The following PBRM1 variants were observed in gnomAD, a reference collection of about 807,000 sequenced individuals.
PBRM1 encodes the protein polybromo 1.
PBRM1 carries 27 observed loss-of-function variants against 194.5 expected under a neutral mutation model. The observed-to-expected ratio is 0.14, with a 90% CI of 0.10 to 0.19. PBRM1 has a LOEUF of 0.19. Among genes scored for constraint, PBRM1 ranks in the 10% least tolerant of loss-of-function variants. The pLI is 1.00. For synonymous variants in PBRM1, 655 were observed against 693.2 expected (o/e 0.94, Z 0.87); for missense variants, 1,466 against 2,077.2 (o/e 0.71, Z 5.72).
Position 52,609,970 on chromosome 3 carries a change from T to G in PBRM1, c.1925-15A>C. ...ACTCTTCCTACCTAAAGAGAGATAT[T>G]TAATGTTAAATGAATAAAATAAATG... is the stretch of plus-strand genomic sequence containing the variant. On this transcript the variant is annotated splice_polypyrimidine_tract_variant and intron_variant, in intron 15 of 29. Coordinates refer to ENST00000296302, the Ensembl canonical transcript of PBRM1. The surrounding 1 kb of genome is among the most constrained non-coding windows in gnomAD (Gnocchi z 4.1). The G allele has an allele frequency of 7.1e-7, 1 of 1,415,972 alleles. No homozygotes were observed. Among genetic ancestry groups the G allele is most frequent in the Admixed American group, 2.6e-5 (1 of 38,646 alleles). 87.7% of individuals were successfully genotyped at this position (1,415,972 alleles called of 1,614,324 possible).
intron 7 of PBRM1, among the ~76,000 whole-genome samples, chr3:52,647,236 T>C (rs1232733199): frequency 2.0e-5 from 3 of 151,524 alleles, no homozygotes; most frequent in Non-Finnish European, 2.9e-5. Context: ...CCCTAGGATA[T>C]CCATAATAAG....
At chr3:52,586,498 T>A (rs2092409335) in exon 20 of PBRM1, 1 of 1,614,140 alleles carries the variant, frequency 6.2e-7, no homozygotes, top group Non-Finnish European at 8.5e-7. Flanking sequence ...ATCACCTTTA[T>A]CTGCATTTGC....
At chr3:52,566,827 G>C (rs1447789539) in intron 22 of PBRM1, among the ~76,000 whole-genome samples, 1 of 152,188 alleles carries the variant, frequency 6.6e-6, no homozygotes, top group Non-Finnish European at 1.5e-5. Flanking sequence ...CTAGCACTTT[G>C]GGAGGCCAAG....
At chr3:52,668,729 A>T in intron 2 of PBRM1, 84 bp from the exon 4 acceptor site, 1 of 696,858 alleles carries the variant, frequency 1.4e-6, no homozygotes, top group Non-Finnish European at 2.2e-6. Context: ...GGTAATGTTC[A>T]ACATTCCAAG....
chr3:52,590,861 C>G (rs1471751988), intron 17 of PBRM1, among the ~76,000 whole-genome samples: 2 of 152,114 alleles, frequency 1.3e-5, no homozygotes, highest in Admixed American at 1.3e-4. Context: ...GGCAGTATGG[C>G]CATTTTAATA....
intron 10 of PBRM1, among the ~76,000 whole-genome samples, chr3:52,637,049 T>C (rs2095850985): frequency 1.3e-5 from 2 of 152,104 alleles, no homozygotes; most frequent in South Asian, 2.1e-4. Context: ...ACCAGAGTCA[T>C]GGAGCTAGAA....
chr3:52,601,067 A>C, intron 17 of PBRM1, among the ~76,000 whole-genome samples: 1 of 152,234 alleles, frequency 6.6e-6, no homozygotes, highest in Non-Finnish European at 1.5e-5. Context: ...TGTCTAGTAC[A>C]ACAGTCACTT....
Position 52,640,310 on chromosome 3 carries a change from A to AC in PBRM1, c.1087+1643dup, listed in dbSNP as rs200483400. Among the ~76,000 whole-genome samples, 237 of 151,736 alleles carry AC rather than the reference A, an allele frequency of 1.6e-3. 3 individuals are homozygous for AC. In the East Asian group the frequency reaches 0.044, roughly 28 times the overall value. ...TATTTATTTTTTGAGACAGGGTCTC[A>AC]CTCTGTTGCCCAGGCTGGAGTGGAG... is the stretch of plus-strand genomic sequence containing the variant. On this transcript the variant is annotated intron_variant, in intron 10 of 29. Transcript: ENST00000296302.
chr3:52,550,416 C>CTCA lies in PBRM1; in HGVS notation c.4897+4_4897+5insTGA, dbSNP rs72579194. The CTCA allele has an allele frequency of 7.6e-7, 1 of 1,316,044 alleles. No homozygotes were observed. The highest frequency in any genetic ancestry group is 9.7e-7 in the Non-Finnish European group (1 of 1,030,576). 81.5% of individuals were successfully genotyped at this position (1,316,044 alleles called of 1,614,324 possible). ...TCACAAAGGCTTATTTAGAAGGAATCTTACCTGCCAGTGTCTGATCCCACT... is the reference window on the plus strand; with the variant it reads ...TCACAAAGGCTTATTTAGAAGGAATCTCATTACCTGCCAGTGTCTGATCCCACT... On this transcript the variant is annotated splice_donor_region_variant and intron_variant, in intron 29 of 29. Coordinates refer to ENST00000296302, the Ensembl canonical transcript of PBRM1.
chr3:52,615,436 G>C (rs773389113), exon 15 of PBRM1: 2 of 1,601,390 alleles, frequency 1.2e-6, no homozygotes, highest in Non-Finnish European at 1.7e-6. Context: ...ACTTCTCCAG[G>C]ATATGTGCAT....
At chr3:52,614,347 C>T (rs1472599438) in intron 15 of PBRM1, among the ~76,000 whole-genome samples, 10 of 113,972 alleles carry the variant, frequency 8.8e-5, no homozygotes, top group Non-Finnish European at 1.3e-4. Flanking sequence ...GCACTCCAAC[C>T]GGGGTGACAG....
intron 27 of PBRM1, among the ~76,000 whole-genome samples, chr3:52,553,302 T>C (rs900162934): frequency 1.3e-5 from 2 of 152,236 alleles, no homozygotes; most frequent in Non-Finnish European, 2.9e-5. Context: ...GTGATTTTCC[T>C]TTCATTTAGG....
intron 25 of PBRM1, among the ~76,000 whole-genome samples, chr3:52,561,231 C>T (rs1005493158): frequency 1.3e-5 from 2 of 152,088 alleles, no homozygotes; most frequent in Non-Finnish European, 2.9e-5. Flanking sequence ...AAAATAAAGG[C>T]AGTTGAGCTT....
At chr3:52,628,652 G>A (rs1326277670) in intron 12 of PBRM1, among the ~76,000 whole-genome samples, 1 of 151,692 alleles carries the variant, frequency 6.6e-6, no homozygotes, top group African/African-American at 2.4e-5. Flanking sequence ...TGCAGTTTTT[G>A]TAGAGATGGG....
At chr3:52,655,821 G>A (rs1482589480) in intron 5 of PBRM1, among the ~76,000 whole-genome samples, 1 of 152,180 alleles carries the variant, frequency 6.6e-6, no homozygotes, top group African/African-American at 2.4e-5. Context: ...AATGACTGAT[G>A]AGGAAAGCTG....
In PBRM1 at chr3:52,602,204, T is replaced by A. The variant is rs146160630; in HGVS notation, c.2779+1317A>T. On this transcript the variant is annotated intron_variant, in intron 17 of 29. Transcript: ENST00000296302. ...GCTGTTTTTCATCAATTTGAGAGGT[T>A]TTCAGCATTATGTCTTCAAATCTTT... Among the ~76,000 whole-genome samples, 602 of 152,280 alleles carry A rather than the reference T, an allele frequency of 4.0e-3. 1 individual carries two copies. The highest frequency in any genetic ancestry group is 6.9e-3 in the Admixed American group (105 of 15,298).
chr3:52,591,128 TG>T (rs2092990456), intron 17 of PBRM1, among the ~76,000 whole-genome samples: 1 of 152,222 alleles, frequency 6.6e-6, no homozygotes, highest in Non-Finnish European at 1.5e-5. Flanking sequence ...GACACTTTGC[TG>T]AAGTTTATCA....
At chr3:52,567,225 T>G (rs918675494) in intron 22 of PBRM1, among the ~76,000 whole-genome samples, 8 of 152,198 alleles carry the variant, frequency 5.3e-5, no homozygotes, top group Non-Finnish European at 8.8e-5. Context: ...TGTATGAATG[T>G]ACTAAGTTTA....
At chr3:52,652,055 T>C (rs1176729495) in intron 5 of PBRM1, among the ~76,000 whole-genome samples, 1 of 152,204 alleles carries the variant, frequency 6.6e-6, no homozygotes, top group East Asian at 1.9e-4. Context: ...TTGAGTGTTA[T>C]TATGCAACTA....
Sources: gnomAD v4.1 joint callset for allele counts (sites outside exome capture counted in the v4.1 genomes callset) on GRCh38, gnomAD v4.1.1 for gene constraint, Gnocchi (gnomAD v3.1) non-coding constraint, MANE v1.5 for transcripts, NCBI Gene and HGNC (gene_info 2026-07-23, HGNC 2026-07-21) for gene names.